Variants in ADTRP observed in about 807,000 individuals in gnomAD.
ADTRP encodes androgen dependent TFPI regulating protein.
ADTRP carries 20 observed loss-of-function variants against 27.0 expected under a neutral mutation model. That is an observed-to-expected ratio of 0.74 (90% CI 0.52 to 1.08). ADTRP has a LOEUF of 1.08. Among genes scored for constraint, ADTRP ranks in the 50% least tolerant of loss-of-function variants. ADTRP has a pLI of 0.00. For missense variants in ADTRP, 251 were observed against 275.0 expected (o/e 0.91, Z 0.62); for synonymous variants, 101 against 105.2 (o/e 0.96, Z 0.25).
chr6:11,744,889 G>A (rs210929), intron 3 of ADTRP, among the ~76,000 whole-genome samples: 1 of 152,192 alleles, frequency 6.6e-6, no homozygotes, highest in Non-Finnish European at 1.5e-5. Flanking sequence ...ACGATGTCAA[G>A]TAAGGGCTCA....
At position 11,778,749 on chromosome 6, in the gene ADTRP, G is replaced by A; in HGVS notation, c.11C>T (p.Thr4Ile). 6 of 1,614,058 alleles carry A rather than the reference G, an allele frequency of 3.7e-6. No individual in the cohort carries two copies. Among genetic ancestry groups the A allele is most frequent in the Non-Finnish European group, 5.1e-6 (6 of 1,179,936 alleles). MTK[T>I]STCIYHFLVL... ...AAGGAAGTGGTATATGCATGTAGAAGTCTTCGTCATGGCGAGTGCTGACCG... is the reference window on the plus strand; with the variant it reads ...AAGGAAGTGGTATATGCATGTAGAAATCTTCGTCATGGCGAGTGCTGACCG... The change falls in exon 1 of 6, where the codon ACT (threonine) becomes ATT (isoleucine). Residue 4 changes from threonine (T) to isoleucine (I), a missense_variant. By Grantham distance (89) the Thr-to-Ile change is moderately conservative (BLOSUM62 -1). Transcript: ENST00000414691.
intron 5 of ADTRP, among the ~76,000 whole-genome samples, chr6:11,714,964 C>G (rs1473095763): frequency 6.6e-6 from 1 of 152,104 alleles, no homozygotes; most frequent in African/African-American, 2.4e-5. Context: ...ATTCATCAGC[C>G]TGGTGGAAAA....
rs988628119 is a variant in ADTRP, at chr6:11,725,857, G to A, written c.507-2357C>T. ...AGAGCTTGCAGTGATTGGAGATCGC[G>A]CCACTGCACTCCAGCCTGGGCGAGA... On this transcript the variant is annotated intron_variant, in intron 4 of 5. Transcript: ENST00000414691. Among the ~76,000 whole-genome samples the A allele has an allele frequency of 4.8e-4, 62 of 129,212 alleles. No individual in the cohort carries two copies. In the Middle Eastern group the frequency reaches 0.026, roughly 54 times the overall value. 84.8% of individuals were successfully genotyped at this position (129,212 alleles called of 152,430 possible).
intron 5 of ADTRP, 138 bp from the exon 6 acceptor site, chr6:11,714,650 T>C: frequency 1.0e-6 from 1 of 963,234 alleles, no homozygotes; most frequent in Non-Finnish European, 1.6e-6. Context: ...AGATGCAGTT[T>C]AAGGAGTTAT....
chr6:11,771,021 C>T (rs768896890), intron 1 of ADTRP, among the ~76,000 whole-genome samples: 27 of 152,226 alleles, frequency 1.8e-4, no homozygotes, highest in Non-Finnish European at 2.9e-4. Context: ...CTGCTTTCCT[C>T]AGGCTGGAGC....
chr6:11,774,838 C>T (rs913113336), intron 1 of ADTRP, among the ~76,000 whole-genome samples: 1 of 152,160 alleles, frequency 6.6e-6, no homozygotes, highest in Non-Finnish European at 1.5e-5. Context: ...AGGGACAGTC[C>T]CTGGATGGAA....
Position 11,716,132 on chromosome 6 carries a change from ACAATATAAACTTGGT to A in ADTRP, c.659-1635_659-1621del, listed in dbSNP as rs1430254893. ...AATAACCAGCTCACATACAAGAGGG[ACAATATAAACTTGGT>A]CAATATAAACTTCTCAAATTTCTAC... On this transcript the variant is annotated intron_variant, in intron 5 of 5. Coordinates refer to ENST00000414691, the MANE Select transcript of ADTRP (RefSeq NM_032744.4). 3.3e-5 allele frequency among the ~76,000 whole-genome samples: 5 copies of A among 152,306 alleles called. No individual in the cohort carries two copies. The South Asian group carries it at 1.0e-3, about 32-fold the overall frequency.
chr6:11,722,134 T>G (rs1316518745), intron 5 of ADTRP, among the ~76,000 whole-genome samples: 3 of 142,400 alleles, frequency 2.1e-5, no homozygotes, highest in Non-Finnish European at 4.5e-5. Flanking sequence ...TGTCAACACA[T>G]TTTTTTTTTT....
intron 5 of ADTRP, 84 bp downstream of exon 5, chr6:11,723,265 C>A: frequency 6.6e-7 from 1 of 1,519,668 alleles, no homozygotes; most frequent in Non-Finnish European, 9.0e-7. Context: ...CTGTTTGCGG[C>A]TAGTTTTTCT....
At chr6:11,749,431 C>T (rs1029852808) in intron 3 of ADTRP, among the ~76,000 whole-genome samples, 1 of 152,074 alleles carries the variant, frequency 6.6e-6, no homozygotes, top group African/African-American at 2.4e-5. Context: ...AAATCTGGAA[C>T]TCAAGGGAGA....
chr6:11,770,750 G>C (rs990385843), intron 1 of ADTRP, among the ~76,000 whole-genome samples: 21 of 152,118 alleles, frequency 1.4e-4, no homozygotes, highest in Non-Finnish European at 2.9e-4. Context: ...GTAGTCATTT[G>C]CACAGGGAGT....
At chr6:11,772,310 A>C (rs1441092680) in intron 1 of ADTRP, among the ~76,000 whole-genome samples, 2 of 152,216 alleles carry the variant, frequency 1.3e-5, no homozygotes, top group Non-Finnish European at 2.9e-5. Context: ...ACAAAGCTGA[A>C]TTGACACTTT....
At chr6:11,718,367 A>G (rs1761901572) in intron 5 of ADTRP, among the ~76,000 whole-genome samples, 1 of 152,160 alleles carries the variant, frequency 6.6e-6, no homozygotes, top group Non-Finnish European at 1.5e-5. Flanking sequence ...TGTGCCCCAT[A>G]TCTCTTGTGG....
At chr6:11,777,326 A>G (rs1203488835) in intron 1 of ADTRP, among the ~76,000 whole-genome samples, 1 of 152,094 alleles carries the variant, frequency 6.6e-6, no homozygotes, top group Non-Finnish European at 1.5e-5. Flanking sequence ...TCTTAGCCAC[A>G]CATAGTGTGA....
At chr6:11,738,096 G>A (rs1762603735) in intron 3 of ADTRP, among the ~76,000 whole-genome samples, 1 of 152,200 alleles carries the variant, frequency 6.6e-6, no homozygotes, top group South Asian at 2.1e-4. Flanking sequence ...AATATGCTTA[G>A]TCTTTGGCCC....
intron 1 of ADTRP, among the ~76,000 whole-genome samples, chr6:11,772,413 G>A (rs751860754): frequency 1.3e-5 from 2 of 152,174 alleles, no homozygotes; most frequent in South Asian, 2.1e-4. Context: ...TCTTCAAATC[G>A]TGGAAGCTTA....
chr6:11,770,069 C>T, intron 1 of ADTRP: 1 of 1,551,504 alleles, frequency 6.4e-7, no homozygotes, highest in Middle Eastern at 1.7e-4. Flanking sequence ...TCAAACCCAG[C>T]AGTCCTGTTC....
intron 3 of ADTRP, among the ~76,000 whole-genome samples, chr6:11,744,188 C>T (rs1762798074): frequency 6.6e-6 from 1 of 152,162 alleles, no homozygotes; most frequent in African/African-American, 2.4e-5. Flanking sequence ...CTTCTCTTTC[C>T]ATGTGACATG....
At chr6:11,775,061 A>G (rs1379219529) in intron 1 of ADTRP, among the ~76,000 whole-genome samples, 2 of 152,112 alleles carry the variant, frequency 1.3e-5, no homozygotes, top group Non-Finnish European at 2.9e-5. Flanking sequence ...CAGCAGGGAG[A>G]GCAGTGGCTC....
Sources: allele counts gnomAD v4.1 joint callset (sites outside exome capture counted in the v4.1 genomes callset), GRCh38; gene constraint gnomAD v4.1.1; transcripts MANE v1.5; gene names NCBI Gene and HGNC (gene_info 2026-07-23, HGNC 2026-07-21).